RNF32: variants seen among roughly 807,000 people sequenced by gnomAD.
The protein encoded by RNF32 is ring finger protein 32.
RNF32 carries 36 observed loss-of-function variants against 41.0 expected under a neutral mutation model. The observed-to-expected ratio is 0.88, with a 90% confidence interval of 0.67 to 1.16. The LOEUF is 1.16. Among genes scored for constraint, RNF32 ranks in the 50% most tolerant of loss-of-function variants. The pLI is 0.00. For missense variants in RNF32, 413 were observed against 436.7 expected (o/e 0.95, Z 0.48); for synonymous variants, 154 against 160.9 (o/e 0.96, Z 0.32).
At chr7:156,662,904 G>A (rs1326032650) in intron 7 of RNF32, among the ~76,000 whole-genome samples, 1 of 148,106 alleles carries the variant, frequency 6.8e-6, no homozygotes, top group Non-Finnish European at 1.5e-5. Context: ...CTGGAGTGCA[G>A]TGGCGCGATC....
At chr7:156,655,423 C>T (rs1022671950) in intron 4 of RNF32, among the ~76,000 whole-genome samples, 7 of 152,180 alleles carry the variant, frequency 4.6e-5, no homozygotes, top group Non-Finnish European at 8.8e-5. Flanking sequence ...CACGTGCGTG[C>T]GTGGTTGCCC....
intron 8 of RNF32, 89 bp from the exon 9 acceptor site, chr7:156,676,329 TC>T: frequency 6.2e-7 from 1 of 1,613,108 alleles, no homozygotes; most frequent in Non-Finnish European, 8.5e-7. Context: ...GACCCATGTC[TC>T]GGGGCACATG....
At position 156,652,658 on chromosome 7, in the gene RNF32, ATG is replaced by A. The variant is rs1310041260; in HGVS notation, c.275-1912_275-1911del. 4.6e-5 allele frequency among the ~76,000 whole-genome samples: 7 copies of A among 152,094 alleles called. No individual in the cohort carries two copies. In the East Asian group the frequency reaches 1.3e-3, roughly 29 times the overall value. On this transcript the variant is annotated intron_variant, in intron 3 of 8. Coordinates refer to ENST00000317955, the MANE Select transcript of RNF32 (RefSeq NM_030936.4). ...TGACCCTGTGTTGGCCTAGGCTAAT[ATG>A]TGTGTTTGTGTCTTAGTTTTTAACA...
At chr7:156,663,531 A>C (rs1166362039) in intron 7 of RNF32, among the ~76,000 whole-genome samples, 1 of 152,202 alleles carries the variant, frequency 6.6e-6, no homozygotes, top group East Asian at 1.9e-4. Context: ...ACTTTATATA[A>C]ATTTAATGTA....
Position 156,670,902 on chromosome 7 carries a change from G to T in RNF32, c.685-4794G>T, listed in dbSNP as rs1802336415. Among the ~76,000 whole-genome samples, 1 of 152,222 alleles carries T rather than the reference G, an allele frequency of 6.6e-6. No individual in the cohort carries two copies. The highest frequency in any genetic ancestry group is 6.5e-5 in the Admixed American group (1 of 15,278). ...AATCTGAGATGTCAGTGGTAAAAAT[G>T]TGAGTAAATCTAATAGACATTGATT... On this transcript the variant is annotated intron_variant, in intron 7 of 8. Transcript: ENST00000317955. This position sits in a 1 kb window ranked among gnomAD's most constrained non-coding sequence, Gnocchi z 4.3.
chr7:156,664,468 A>T (rs906704548), intron 7 of RNF32, among the ~76,000 whole-genome samples: 2 of 152,232 alleles, frequency 1.3e-5, no homozygotes, highest in Non-Finnish European at 2.9e-5. Flanking sequence ...TCCAAAAAAA[A>T]AAGAAAGAAA....
At chr7:156,655,239 GCACACACA>G (rs57235616) in intron 4 of RNF32, among the ~76,000 whole-genome samples, 5 of 148,526 alleles carry the variant, frequency 3.4e-5, no homozygotes, top group African/African-American at 5.0e-5. Flanking sequence ...ACACGCGCGC[GCACACACA>G]CACACACACA....
At chr7:156,642,861 T>G (rs558183682) in intron 1 of RNF32, 1 of 152,314 alleles carries the variant, frequency 6.6e-6, no homozygotes, top group African/African-American at 2.4e-5. Flanking sequence ...CTGCTGGGGA[T>G]CAATTTTTTT....
In RNF32 at chr7:156,643,864, T is replaced by C; in HGVS notation, c.-14T>C. 1 of 1,611,612 alleles carries C rather than the reference T, an allele frequency of 6.2e-7. No homozygotes were observed. Among genetic ancestry groups the C allele is most frequent in the South Asian group, 1.1e-5 (1 of 90,960 alleles). On this transcript the variant is annotated 5_prime_UTR_variant, in exon 2 of 9. Transcript: ENST00000317955. ...AATTTGTGATAGCCAAGCAACAACT[T>C]TTCCTAATTCGGCATGTTAAAAAAT...
At chr7:156,641,709 C>G (rs1451355966) in intron 1 of RNF32, among the ~76,000 whole-genome samples, 1 of 152,162 alleles carries the variant, frequency 6.6e-6, no homozygotes, top group Non-Finnish European at 1.5e-5. Context: ...CAGCTATGAC[C>G]GGACCATTTT....
At chr7:156,673,606 G>C (rs1803091689) in intron 7 of RNF32, among the ~76,000 whole-genome samples, 2 of 152,100 alleles carry the variant, frequency 1.3e-5, no homozygotes, top group Non-Finnish European at 1.5e-5. Flanking sequence ...CAAAACACAG[G>C]TGCCTGGAAG....
At position 156,676,662 on chromosome 7, in the gene RNF32, A is replaced by G. The variant is rs771040257; in HGVS notation, c.*7A>G. Reference sequence around the variant, plus strand: ...GAAGATTCTTGAATGTTGAATTCATAGTCAAGGAAAGTTAGGTAATTCTGA... The same window carrying G: ...GAAGATTCTTGAATGTTGAATTCATGGTCAAGGAAAGTTAGGTAATTCTGA... On this transcript the variant is annotated 3_prime_UTR_variant, in exon 9 of 9. Transcript: ENST00000317955. 4.4e-6 allele frequency: 7 copies of G among 1,604,990 alleles called. No homozygotes were observed. The highest frequency in any genetic ancestry group is 6.0e-6 in the Non-Finnish European group (7 of 1,172,222).
At chr7:156,660,640 G>C (rs867415482) in intron 7 of RNF32, among the ~76,000 whole-genome samples, 1 of 152,166 alleles carries the variant, frequency 6.6e-6, no homozygotes, top group East Asian at 1.9e-4. Flanking sequence ...AGAGCCATAG[G>C]CTAGGGCAGT....
rs775072509 is a variant in RNF32, at chr7:156,669,636, G to A, written c.685-6060G>A. Among the ~76,000 whole-genome samples the A allele has an allele frequency of 4.3e-4, 66 of 152,168 alleles. No homozygotes were observed. The highest frequency in any genetic ancestry group is 1.5e-3 in the African/African-American group (61 of 41,436). ...TTTCAAGAGGGCGACCCACAGCCAC[G>A]TGAACACTGGAAACTGCCCTCAGAG... On this transcript the variant is annotated intron_variant, in intron 7 of 8. Transcript: ENST00000317955. This position sits in a 1 kb window ranked among gnomAD's most constrained non-coding sequence, Gnocchi z 4.2.
intron 7 of RNF32, among the ~76,000 whole-genome samples, chr7:156,662,330 C>T (rs188296978): frequency 2.6e-5 from 4 of 152,302 alleles, no homozygotes; most frequent in African/African-American, 9.6e-5. Context: ...TTTTAGAATG[C>T]CCTGCATATT....
chr7:156,671,677 G>A (rs1432420035), intron 7 of RNF32, among the ~76,000 whole-genome samples: 2 of 152,190 alleles, frequency 1.3e-5, no homozygotes, highest in Non-Finnish European at 2.9e-5. Context: ...CGGTCCTGTC[G>A]CCCAGCTCAT....
intron 3 of RNF32, among the ~76,000 whole-genome samples, chr7:156,650,996 A>C (rs969904166): frequency 3.3e-5 from 5 of 152,198 alleles, no homozygotes; most frequent in Non-Finnish European, 7.3e-5. Flanking sequence ...CTGGGGTCAC[A>C]GCCCCATGCA....
intron 7 of RNF32, chr7:156,659,540 A>G: frequency 2.0e-6 from 2 of 984,722 alleles, no homozygotes; most frequent in Non-Finnish European, 2.4e-6. Context: ...ATGTCATAGT[A>G]GGTTGTCTCT....
chr7:156,657,548 T>C lies in RNF32; in HGVS notation c.425T>C (p.Leu142Pro). Residue 142 changes from leucine (L) to proline (P), a missense_variant, in exon 5 of 9, where the codon CTT becomes CCT. By Grantham distance (98) the Leu-to-Pro change is moderately conservative. Transcript: ENST00000317955. Reference sequence around the variant, plus strand: ...CTGTTTCCTCATGAACAGGTGCTGCTTTCATGCTCCCATGTGTTCCACAAA... The same window carrying C: ...CTGTTTCCTCATGAACAGGTGCTGCCTTCATGCTCCCATGTGTTCCACAAA... ...EEFELRPQVL[L>P]SCSHVFHKAC... is the part of the protein sequence containing the mutation. 1 of 1,614,212 alleles carries C rather than the reference T, an allele frequency of 6.2e-7. No homozygotes were observed. Among genetic ancestry groups the C allele is most frequent in the Non-Finnish European group, 8.5e-7 (1 of 1,180,018 alleles).
Sources: gnomAD v4.1 joint callset for allele counts (sites outside exome capture counted in the v4.1 genomes callset) on GRCh38, gnomAD v4.1.1 for gene constraint, Gnocchi (gnomAD v3.1) non-coding constraint, MANE v1.5 for transcripts, NCBI Gene and HGNC (gene_info 2026-07-23, HGNC 2026-07-21) for gene names.